The following RIMBP2 variants were observed in gnomAD, a reference collection of about 807,000 sequenced individuals.
The protein encoded by RIMBP2 is RIMS-binding protein 2.
RIMBP2 carries 48 observed loss-of-function variants against 118.6 expected under a neutral mutation model. That is an observed-to-expected ratio of 0.40 (90% CI 0.32 to 0.51). RIMBP2 has a LOEUF of 0.51. Among genes scored for constraint, RIMBP2 ranks in the 20% least tolerant of loss-of-function variants. RIMBP2 has a pLI of 0.41. For missense variants in RIMBP2, 1,551 were observed against 1,768.3 expected (o/e 0.88, Z 2.20); for synonymous variants, 762 against 742.9 (o/e 1.03, Z -0.42).
rs771706613 is a variant in RIMBP2 at position 130,437,259 on chromosome 12, G to A, written c.1689C>T (p.Ser563=). ...VAEVIFPTAD[S]TAVELVRLRS... Reference sequence around the variant, plus strand: ...GCAGCCGCACAAGCTCCACGGCCGTGCTGTCTGCCGTGGGGAAGATGACTT... The same window carrying A: ...GCAGCCGCACAAGCTCCACGGCCGTACTGTCTGCCGTGGGGAAGATGACTT... Residue 563 remains serine, a synonymous_variant, in exon 13 of 23, where the codon AGC becomes AGT. Transcript: ENST00000690449. 1 of 1,582,616 alleles carries A rather than the reference G, an allele frequency of 6.3e-7. No individual in the cohort carries two copies. Among genetic ancestry groups the A allele is most frequent in the Admixed American group, 1.7e-5 (1 of 57,622 alleles).
chr12:130,437,755 G>C (rs1368998213), intron 12 of RIMBP2, among the ~76,000 whole-genome samples: 2 of 152,200 alleles, frequency 1.3e-5, no homozygotes, highest in African/African-American at 4.8e-5. Flanking sequence ...GAGCACAGGA[G>C]TCTGCAGGAA....
chr12:130,471,550 T>C (rs1256253653), intron 5 of RIMBP2, among the ~76,000 whole-genome samples: 2 of 152,140 alleles, frequency 1.3e-5, no homozygotes, highest in African/African-American at 4.8e-5. Flanking sequence ...AAAAGACCCA[T>C]GGAGGCCCCT....
rs1265121206 is a variant in RIMBP2, at chr12:130,578,204, TGAGCTGGGGCAGAAG to T, written c.-217+50103_-217+50117del. ...TGATGAGGAGGCATGGGTCAGGGCC[TGAGCTGGGGCAGAAG>T]CTCAGAGGATTCCATCCATCCACTT... is the stretch of plus-strand genomic sequence containing the variant. On this transcript the variant is annotated intron_variant, in intron 2 of 22. Transcript: ENST00000690449. The surrounding 1 kb of genome is among the most constrained non-coding windows in gnomAD (Gnocchi z 4.1). Among the ~76,000 whole-genome samples the T allele has an allele frequency of 6.6e-6, 1 of 152,218 alleles. No homozygotes were observed. Among genetic ancestry groups the T allele is most frequent in the African/African-American group, 2.4e-5 (1 of 41,464 alleles).
intron 2 of RIMBP2, among the ~76,000 whole-genome samples, chr12:130,564,464 G>A (rs2057067939): frequency 1.3e-5 from 2 of 152,086 alleles, no homozygotes; most frequent in South Asian, 4.1e-4. Context: ...AGCAACAATG[G>A]TATAACAAAT....
intron 2 of RIMBP2, among the ~76,000 whole-genome samples, chr12:130,545,949 G>T (rs2055099661): frequency 6.6e-6 from 1 of 152,106 alleles, no homozygotes; most frequent in African/African-American, 2.4e-5. Flanking sequence ...TTCATTCTCA[G>T]CGCAGTAGGG....
intron 2 of RIMBP2, among the ~76,000 whole-genome samples, chr12:130,532,257 G>A (rs75848637): frequency 1.4e-5 from 2 of 142,500 alleles, no homozygotes; most frequent in African/African-American, 2.6e-5. Flanking sequence ...TAGGAGGTAC[G>A]TCTAATGAGA....
At chr12:130,519,484 T>A (rs1171396000) in intron 2 of RIMBP2, among the ~76,000 whole-genome samples, 1 of 152,256 alleles carries the variant, frequency 6.6e-6, no homozygotes, top group Non-Finnish European at 1.5e-5. Flanking sequence ...TTCTGTCTTC[T>A]GAGATGGTCT....
At chr12:130,535,356 T>C (rs149655786) in intron 2 of RIMBP2, among the ~76,000 whole-genome samples, 4 of 147,876 alleles carry the variant, frequency 2.7e-5, no homozygotes, top group Non-Finnish European at 6.1e-5. Flanking sequence ...AAAAAAAAAA[T>C]TGTTTTTAAT....
rs180947592 is a variant in RIMBP2 at position 130,677,811 on chromosome 12, T to C, written c.-352+38411A>G. On this transcript the variant is annotated intron_variant, in intron 1 of 22. Coordinates refer to ENST00000690449, the MANE Select transcript of RIMBP2 (RefSeq NM_001393629.1). Reference sequence around the variant, plus strand: ...TTCCACCACTGTCCCCCCAAAATCATTCTTTATCCAGCATTCAGAGCAATG... The same window carrying C: ...TTCCACCACTGTCCCCCCAAAATCACTCTTTATCCAGCATTCAGAGCAATG... Among the ~76,000 whole-genome samples the C allele has an allele frequency of 2.0e-5, 3 of 152,286 alleles. No individual in the cohort carries two copies. The East Asian group carries it at 5.8e-4, about 29-fold the overall frequency.
chr12:130,607,341 A>G lies in RIMBP2; in HGVS notation c.-217+20981T>C, dbSNP rs145718650. 9.9e-4 allele frequency among the ~76,000 whole-genome samples: 151 copies of G among 152,258 alleles called. 2 individuals are homozygous for G. The South Asian group carries it at 0.014, about 14-fold the overall frequency. ...CAGGCGGGGAGAAAGGGCCCTACCC[A>G]TGACCGCATCTGCTCAGATCACAAT... On this transcript the variant is annotated intron_variant, in intron 2 of 22. Transcript: ENST00000690449.
At chr12:130,680,518 A>C (rs1011348) in intron 1 of RIMBP2, among the ~76,000 whole-genome samples, 60,350 of 152,054 alleles carry the variant, frequency 0.4, 12,614 homozygotes, top group African/African-American at 0.54. Context: ...TACACACGCA[A>C]GCTTGGACAT....
intron 4 of RIMBP2, among the ~76,000 whole-genome samples, chr12:130,506,290 C>T (rs1249129383): frequency 3.3e-5 from 5 of 152,138 alleles, no homozygotes; most frequent in African/African-American, 1.2e-4. Flanking sequence ...TGAGGAGCAG[C>T]TTAAAATTCC....
rs375688200 is a variant in RIMBP2 at position 130,621,902 on chromosome 12, G to A, written c.-217+6420C>T. Among the ~76,000 whole-genome samples, 1 of 152,142 alleles carries A rather than the reference G, an allele frequency of 6.6e-6. No individual in the cohort carries two copies. Among genetic ancestry groups the A allele is most frequent in the African/African-American group, 2.4e-5 (1 of 41,436 alleles). On this transcript the variant is annotated intron_variant, in intron 2 of 22. Transcript: ENST00000690449. The surrounding 1 kb of genome is among the most constrained non-coding windows in gnomAD (Gnocchi z 6.6). ...CAGCATCACACACACTTCCCGACAG[G>A]CCCAGGACAGCACTAATGACTCGTT...
At chr12:130,479,958 T>A (rs1333531848) in intron 4 of RIMBP2, among the ~76,000 whole-genome samples, 1 of 151,638 alleles carries the variant, frequency 6.6e-6, no homozygotes, top group Non-Finnish European at 1.5e-5. Flanking sequence ...ACTGGGACCC[T>A]GACAGTGAGG....
chr12:130,438,335 A>ACTGGGGGGGGGGGCCCCCCCCCCCC, intron 12 of RIMBP2, 30 bp downstream of exon 12: 1 of 865,014 alleles, frequency 1.2e-6, no homozygotes, highest in Non-Finnish European at 1.9e-6. Flanking sequence ...GGCCTAACAA[A>ACTGGGGGGGGGGGCCCCCCCCCCCC]CCCTCCCCAC....
intron 1 of RIMBP2, among the ~76,000 whole-genome samples, chr12:130,635,927 C>G (rs978328159): frequency 6.6e-6 from 1 of 152,082 alleles, no homozygotes; most frequent in Admixed American, 6.5e-5. Context: ...GTCTTCTCCA[C>G]ACAGCCAACT....
At chr12:130,407,673 G>T in intron 20 of RIMBP2, 53 bp downstream of exon 20, 1 of 1,394,140 alleles carries the variant, frequency 7.2e-7, no homozygotes, top group Non-Finnish European at 1.0e-6. Flanking sequence ...GTACCACGAG[G>T]GAAGGGAAGG....
intron 1 of RIMBP2, among the ~76,000 whole-genome samples, chr12:130,712,954 T>A (rs939801476): frequency 6.6e-6 from 1 of 151,274 alleles, no homozygotes; most frequent in Admixed American, 6.6e-5. Flanking sequence ...ATCTGGGAGA[T>A]TTTCTTCAAG....
chr12:130,432,016 C>A (rs2077183048), intron 14 of RIMBP2: 2 of 237,714 alleles, frequency 8.4e-6, no homozygotes, highest in South Asian at 9.7e-5. Context: ...ATGTCAAGGG[C>A]TCTGGGGCCA....
Sources: gnomAD v4.1 joint callset for allele counts (sites outside exome capture counted in the v4.1 genomes callset) on GRCh38, gnomAD v4.1.1 for gene constraint, Gnocchi (gnomAD v3.1) non-coding constraint, MANE v1.5 for transcripts, NCBI Gene and HGNC (gene_info 2026-07-23, HGNC 2026-07-21) for gene names.